GNPTAB: variants seen among roughly 807,000 people sequenced by gnomAD.
The protein encoded by GNPTAB is N-acetylglucosamine-1-phosphate transferase subunits alpha and beta.
Under a neutral mutation model 136.6 loss-of-function variants are expected in GNPTAB, and 92 were observed. That is an observed-to-expected ratio of 0.67 (90% confidence interval 0.57 to 0.80). The LOEUF is 0.80. Ranked by LOEUF, GNPTAB falls within the 30% of genes least tolerant of loss-of-function variation. The pLI is 0.00. For missense variants in GNPTAB, 1,343 were observed against 1,501.8 expected (o/e 0.89, Z 1.75); for synonymous variants, 512 against 535.1 (o/e 0.96, Z 0.60).
At chr12:101,757,714 T>C (rs1952924962) in intron 16 of GNPTAB, 57 bp from the exon 17 acceptor site, 1 of 858,172 alleles carries the variant, frequency 1.2e-6, no homozygotes, top group Non-Finnish European at 2.0e-6. Flanking sequence ...TAGGGCAATT[T>C]AGTCCTAATC....
At chr12:101,761,097 C>T (rs756423934) in intron 15 of GNPTAB, 30 bp downstream of exon 15, 2 of 1,513,056 alleles carry the variant, frequency 1.3e-6, no homozygotes, top group South Asian at 1.1e-5. Context: ...TTTAAAACAT[C>T]AAAAAGTTTA....
At chr12:101,785,882 C>CTTTTTGTGCATT (rs1868613076) in intron 5 of GNPTAB, 130 bp downstream of exon 5, 1 of 739,150 alleles carries the variant, frequency 1.4e-6, no homozygotes, top group South Asian at 1.8e-5. Context: ...AGCTGTTTTG[C>CTTTTTGTGCATT]TTCTCTTTGT....
chr12:101,797,508 C>T (rs180865822), intron 1 of GNPTAB, among the ~76,000 whole-genome samples: 405 of 152,206 alleles, frequency 2.7e-3, no homozygotes, highest in Non-Finnish European at 4.1e-3. Flanking sequence ...GCCTGCAGTC[C>T]CAGCTACTCG....
At chr12:101,789,698 G>A (rs1243171410) in intron 3 of GNPTAB, among the ~76,000 whole-genome samples, 1 of 152,108 alleles carries the variant, frequency 6.6e-6, no homozygotes, top group African/African-American at 2.4e-5. Context: ...TGCCCAGGCT[G>A]GTCTTGAACT....
At chr12:101,780,453 A>C in intron 6 of GNPTAB, 104 bp downstream of exon 6, 1 of 1,074,206 alleles carries the variant, frequency 9.3e-7, no homozygotes, top group Non-Finnish European at 1.4e-6. Flanking sequence ...CTACCCTTAG[A>C]TAAAAAATAA....
intron 19 of GNPTAB, among the ~76,000 whole-genome samples, chr12:101,752,204 G>A (rs528136502): frequency 6.6e-6 from 1 of 152,174 alleles, no homozygotes; most frequent in African/African-American, 2.4e-5. Flanking sequence ...CGGGAGGATC[G>A]CTTGAGCCAA....
At chr12:101,793,728 TGTTTA>T (rs1461173034) in intron 2 of GNPTAB, among the ~76,000 whole-genome samples, 2 of 152,256 alleles carry the variant, frequency 1.3e-5, no homozygotes, top group Admixed American at 6.5e-5. Context: ...TTTTAATCAC[TGTTTA>T]GTTTAAGTGA....
chr12:101,827,405 T>C (rs1468970193), intron 1 of GNPTAB, among the ~76,000 whole-genome samples: 2 of 152,044 alleles, frequency 1.3e-5, no homozygotes, highest in East Asian at 1.9e-4. Flanking sequence ...CCAGCCTTTA[T>C]TTTTATTTTT....
In GNPTAB at chr12:101,757,364, TA is replaced by T. The variant is rs1952917113; in HGVS notation, c.3336-55del. ...TAAATAATTACATGGATATAAAAAA[TA>T]AAACTTCAATAGAAAATACATTTTT... is the stretch of plus-strand genomic sequence containing the variant. On this transcript the variant is annotated intron_variant, in intron 17 of 20. Coordinates refer to ENST00000299314, the MANE Select transcript of GNPTAB (RefSeq NM_024312.5). 1.6e-5 allele frequency: 18 copies of T among 1,098,924 alleles called. 2 individuals carry two copies. The South Asian group carries it at 2.3e-4, about 14-fold the overall frequency. 68.1% of individuals were successfully genotyped at this position (1,098,924 alleles called of 1,614,324 possible). A position where few individuals can be genotyped will look rare whatever the true frequency, so the allele number is the denominator to read the frequency against.
chr12:101,747,347 C>T (rs1952748956), intron 20 of GNPTAB, 106 bp from the exon 21 acceptor site: 1 of 696,976 alleles, frequency 1.4e-6, no homozygotes, highest in Non-Finnish European at 2.6e-6. Flanking sequence ...TTTCCACAAT[C>T]TTATACATTA....
At chr12:101,812,240 C>T (rs1467987245) in intron 1 of GNPTAB, among the ~76,000 whole-genome samples, 2 of 152,116 alleles carry the variant, frequency 1.3e-5, no homozygotes, top group Non-Finnish European at 2.9e-5. Flanking sequence ...CAGAGTGAGA[C>T]CCTGTCTCAA....
In GNPTAB at chr12:101,780,620, A is replaced by G. The variant is rs1157052984; in HGVS notation, c.573T>C (p.Val191=). ...TAAGCAGTCCAGAGTGGGCATCTTC[A>G]ACTACAACCAAGAATACAATAAACA... ...SVVVFDSTKD[V]EDAHSGLLKG... The change falls in exon 6 of 21, where the codon GTT becomes GTC. Residue 191 remains valine, a splice_region_variant and synonymous_variant. Transcript: ENST00000299314. The G allele has an allele frequency of 1.2e-6, 2 of 1,600,208 alleles. No individual in the cohort carries two copies. Among genetic ancestry groups the G allele is most frequent in the Admixed American group, 3.3e-5 (2 of 59,976 alleles).
chr12:101,761,092 A>G (rs748341064), intron 15 of GNPTAB, 35 bp downstream of exon 15: 1 of 1,480,602 alleles, frequency 6.8e-7, no homozygotes, highest in East Asian at 2.3e-5. Flanking sequence ...TCTCATTTAA[A>G]ACATCAAAAA....
intron 19 of GNPTAB, 151 bp from the exon 20 acceptor site, chr12:101,749,342 T>G: frequency 1.5e-6 from 1 of 648,138 alleles, no homozygotes; most frequent in South Asian, 1.7e-5. Context: ...CAATATACAT[T>G]TCCAACACGA....
chr12:101,792,927 C>A (rs1869075113), intron 2 of GNPTAB, among the ~76,000 whole-genome samples: 1 of 152,074 alleles, frequency 6.6e-6, no homozygotes, highest in Non-Finnish European at 1.5e-5. Context: ...TAAATAAATT[C>A]TAATGTTTGT....
Position 101,802,199 on chromosome 12 carries a change from T to TAA in GNPTAB, c.118-5439_118-5438dup, listed in dbSNP as rs112485347. 8.1e-3 allele frequency among the ~76,000 whole-genome samples: 872 copies of TAA among 108,166 alleles called. 11 individuals are homozygous for TAA. Among genetic ancestry groups the TAA allele is most frequent in the African/African-American group, 0.013 (371 of 28,690 alleles). 71.0% of individuals were successfully genotyped at this position (108,166 alleles called of 152,430 possible). ...GATGACAGAGCAAGACCCTGTCTCT[T>TAA]AAAAAAAAAAAAAAAAAAGAAAAGA... On this transcript the variant is annotated intron_variant, in intron 1 of 20. Coordinates refer to ENST00000299314, the MANE Select transcript of GNPTAB (RefSeq NM_024312.5).
intron 1 of GNPTAB, among the ~76,000 whole-genome samples, chr12:101,811,223 A>C (rs566096221): frequency 2.6e-5 from 4 of 152,158 alleles, no homozygotes; most frequent in Non-Finnish European, 5.9e-5. Context: ...AAATAGTAAC[A>C]TCTTAGACTT....
chr12:101,803,063 A>G (rs1284717506), intron 1 of GNPTAB, among the ~76,000 whole-genome samples: 1 of 152,136 alleles, frequency 6.6e-6, no homozygotes, highest in East Asian at 1.9e-4. Context: ...TTAAAAAAAA[A>G]AGTCTCAAAA....
chr12:101,772,036 CCTTTTGGGGCAAAG>C (rs1953184765), intron 7 of GNPTAB, among the ~76,000 whole-genome samples: 1 of 152,228 alleles, frequency 6.6e-6, no homozygotes, highest in Admixed American at 6.5e-5. Flanking sequence ...GGGAAAACTA[CCTTTTGGGGCAAAG>C]CTTTTGGGGC....
Sources: allele counts gnomAD v4.1 joint callset (sites outside exome capture counted in the v4.1 genomes callset), GRCh38; gene constraint gnomAD v4.1.1; transcripts MANE v1.5; gene names NCBI Gene and HGNC (gene_info 2026-07-23, HGNC 2026-07-21).